COL22A1: variants seen among roughly 807,000 people sequenced by gnomAD.
COL22A1 encodes collagen type XXII alpha 1 chain.
Under a neutral mutation model 248.9 loss-of-function variants are expected in COL22A1, and 221 were observed. The observed-to-expected ratio is 0.89, with a 90% confidence interval of 0.80 to 0.99. COL22A1 has a LOEUF of 0.99. Ranked by LOEUF, COL22A1 falls within the 50% of genes least tolerant of loss-of-function variation. The pLI, the probability that COL22A1 is intolerant of heterozygous loss-of-function variation, is 0.00. For synonymous variants in COL22A1, 891 were observed against 793.4 expected, an observed-to-expected ratio of 1.12 and a Z score of -2.07; for missense variants, 2,240 against 2,179.0, an observed-to-expected ratio of 1.03 and a Z score of -0.56.
intron 57 of COL22A1, 130 bp downstream of exon 57, chr8:138,607,806 T>G (rs12681582): frequency 0.72 from 557,267 of 778,678 alleles, 206,193 homozygotes; most frequent in Non-Finnish European, 0.78. Context: ...TCCAACCTAT[T>G]TCTACCACTC....
At chr8:138,846,412 A>C (rs1465388610) in intron 3 of COL22A1, among the ~76,000 whole-genome samples, 1 of 152,210 alleles carries the variant, frequency 6.6e-6, no homozygotes, top group African/African-American at 2.4e-5. Flanking sequence ...GGGGAGGACC[A>C]CGCACACAGA....
intron 56 of COL22A1, among the ~76,000 whole-genome samples, chr8:138,613,415 G>C (rs1008105094): frequency 5.3e-5 from 8 of 152,166 alleles, no homozygotes; most frequent in African/African-American, 1.4e-4. Flanking sequence ...GAATGATTCT[G>C]TCTCAGCCTC....
At chr8:138,654,655 T>C (rs1460121336) in intron 45 of COL22A1, among the ~76,000 whole-genome samples, 1 of 152,120 alleles carries the variant, frequency 6.6e-6, no homozygotes, top group Non-Finnish European at 1.5e-5. Context: ...GCAGCACCCC[T>C]GTTCTTTCTG....
intron 1 of COL22A1, among the ~76,000 whole-genome samples, chr8:138,905,463 C>G (rs775668514): frequency 5.9e-5 from 9 of 152,168 alleles, no homozygotes; most frequent in Non-Finnish European, 1.2e-4. Flanking sequence ...TCCCCTTTCC[C>G]AGTTTAGAGC....
At chr8:138,882,253 C>A (rs1304686810) in intron 2 of COL22A1, among the ~76,000 whole-genome samples, 1 of 152,024 alleles carries the variant, frequency 6.6e-6, no homozygotes, top group Non-Finnish European at 1.5e-5. Context: ...CCTCCTCTCG[C>A]AGGAACACAC....
intron 41 of COL22A1, among the ~76,000 whole-genome samples, chr8:138,674,753 A>T (rs557119575): frequency 1.3e-5 from 2 of 152,316 alleles, no homozygotes; most frequent in South Asian, 4.1e-4. Flanking sequence ...CATTCAGGTT[A>T]CGGGTCTGCA....
chr8:138,721,186 A>C (rs1812694810), intron 26 of COL22A1, among the ~76,000 whole-genome samples: 1 of 152,248 alleles, frequency 6.6e-6, no homozygotes, highest in Admixed American at 6.5e-5. Flanking sequence ...AAACTAAATT[A>C]AATCCACACT....
chr8:138,866,184 C>T (rs373548605), intron 3 of COL22A1, among the ~76,000 whole-genome samples: 6 of 152,164 alleles, frequency 3.9e-5, no homozygotes, highest in African/African-American at 7.2e-5. Flanking sequence ...CCAGTAACTG[C>T]GAGGTTGTGT....
intron 30 of COL22A1, among the ~76,000 whole-genome samples, chr8:138,704,088 C>T (rs886799853): frequency 4.6e-5 from 7 of 152,338 alleles, no homozygotes; most frequent in African/African-American, 1.4e-4. Flanking sequence ...GGGGCGCCCG[C>T]CATTGCTGAG....
chr8:138,715,956 C>G (rs570659296), intron 29 of COL22A1, among the ~76,000 whole-genome samples: 1 of 152,172 alleles, frequency 6.6e-6, no homozygotes, highest in East Asian at 1.9e-4. Context: ...TGTCCCCTGA[C>G]AGATGGTGCC....
intron 3 of COL22A1, among the ~76,000 whole-genome samples, chr8:138,855,581 ATCCT>A: frequency 6.6e-6 from 1 of 152,310 alleles, no homozygotes; most frequent in East Asian, 1.9e-4. Flanking sequence ...GTCCAAAGCA[ATCCT>A]TCCTTCTACT....
At chr8:138,726,826 G>A (rs761266096) in intron 23 of COL22A1, among the ~76,000 whole-genome samples, 1 of 152,222 alleles carries the variant, frequency 6.6e-6, no homozygotes, top group African/African-American at 2.4e-5. Flanking sequence ...CAGAGGCCAC[G>A]GGCTGTCATA....
chr8:138,754,141 T>C (rs1332538212), intron 21 of COL22A1, among the ~76,000 whole-genome samples: 2 of 152,244 alleles, frequency 1.3e-5, no homozygotes, highest in African/African-American at 2.4e-5. Flanking sequence ...AGAAAACATA[T>C]ATAGTATAGA....
At chr8:138,750,329 G>C (rs1832487679) in intron 22 of COL22A1, among the ~76,000 whole-genome samples, 2 of 152,148 alleles carry the variant, frequency 1.3e-5, no homozygotes, top group Admixed American at 6.5e-5. Context: ...TAAATTATTT[G>C]TAGAATTTTG....
At chr8:138,720,839 G>A in intron 26 of COL22A1, 47 bp from the exon 27 acceptor site, 1 of 1,467,206 alleles carries the variant, frequency 6.8e-7, no homozygotes, top group Non-Finnish European at 9.5e-7. Flanking sequence ...GCCATGCTTG[G>A]ATTAAACAAC....
At chr8:138,877,130 A>T (rs1363044109) in intron 3 of COL22A1, among the ~76,000 whole-genome samples, 6 of 151,462 alleles carry the variant, frequency 4.0e-5, no homozygotes. Context: ...CCCCAGCCAC[A>T]ATCAACAGAT....
chr8:138,694,795 C>T, intron 33 of COL22A1, 31 bp downstream of exon 33: 2 of 1,611,640 alleles, frequency 1.2e-6, no homozygotes, highest in Non-Finnish European at 8.5e-7. Context: ...GGTAACCAGC[C>T]CTGCGGGGGA....
intron 56 of COL22A1, 88 bp from the exon 57 acceptor site, chr8:138,608,077 G>C: frequency 8.3e-7 from 1 of 1,205,142 alleles, no homozygotes; most frequent in Non-Finnish European, 1.2e-6. Flanking sequence ...CACAGGACTT[G>C]GTTTTACACA....
Position 138,634,773 on chromosome 8 carries a change from T to C in COL22A1, c.3609+237A>G, listed in dbSNP as rs534415623. Among the ~76,000 whole-genome samples, 11 of 152,270 alleles carry C rather than the reference T, an allele frequency of 7.2e-5. No individual in the cohort carries two copies. The South Asian group carries it at 2.1e-3, about 29-fold the overall frequency. On this transcript the variant is annotated intron_variant, in intron 49 of 64. Coordinates refer to ENST00000303045, the MANE Select transcript of COL22A1 (RefSeq NM_152888.3). ...AGAAGTCTGTCTGTCTTTGCCAATG[T>C]CCCCCAGTCCCAACATCACTCTAAT...
Sources: allele counts gnomAD v4.1 joint callset (sites outside exome capture counted in the v4.1 genomes callset), GRCh38; gene constraint gnomAD v4.1.1; transcripts MANE v1.5; gene names NCBI Gene and HGNC (gene_info 2026-07-23, HGNC 2026-07-21).